The following MTMR12 variants were observed in gnomAD, a reference collection of about 807,000 sequenced individuals.
MTMR12 encodes myotubularin related protein 12.
Under a neutral mutation model 96.7 loss-of-function variants are expected in MTMR12, and 33 were observed. The ratio of observed to expected loss-of-function variants is 0.34; its 90% CI spans 0.26 to 0.46. MTMR12 has a LOEUF of 0.46. Among genes scored for constraint, MTMR12 ranks in the 20% least tolerant of loss-of-function variants. MTMR12 has a pLI of 1.00. For synonymous variants in MTMR12, 298 were observed against 327.2 expected, an observed-to-expected ratio of 0.91 and a Z score of 0.96; for missense variants, 721 against 896.1, an observed-to-expected ratio of 0.80 and a Z score of 2.49.
chr5:32,235,921 G>A (rs897134483), intron 13 of MTMR12, among the ~76,000 whole-genome samples: 3 of 152,148 alleles, frequency 2.0e-5, no homozygotes, highest in African/African-American at 7.2e-5. Context: ...AGGAGGAAAG[G>A]GAAGATTGGA....
At chr5:32,254,006 G>C (rs1749047328) in intron 8 of MTMR12, among the ~76,000 whole-genome samples, 1 of 152,228 alleles carries the variant, frequency 6.6e-6, no homozygotes, top group African/African-American at 2.4e-5. Context: ...CAGGCCCAAG[G>C]CCTGGCTAGA....
chr5:32,256,925 A>G (rs1000530141), intron 7 of MTMR12, among the ~76,000 whole-genome samples: 8 of 152,230 alleles, frequency 5.3e-5, no homozygotes, highest in Non-Finnish European at 1.0e-4. Flanking sequence ...AAACCTACCA[A>G]TCTCATTTAA....
At chr5:32,243,974 T>G (rs1322576934) in intron 10 of MTMR12, among the ~76,000 whole-genome samples, 2 of 152,212 alleles carry the variant, frequency 1.3e-5, no homozygotes, top group African/African-American at 4.8e-5. Flanking sequence ...TCCATCCTGA[T>G]GCCACGGAAG....
chr5:32,261,863 G>C (rs1314693114), intron 7 of MTMR12, among the ~76,000 whole-genome samples: 2 of 152,304 alleles, frequency 1.3e-5, no homozygotes, highest in African/African-American at 4.8e-5. Context: ...ACAAGGTCAG[G>C]AGATCAAGAC....
chr5:32,312,688 G>C lies in MTMR12; in HGVS notation c.81+70C>G, dbSNP rs550464908. The C allele has an allele frequency of 7.8e-7, 1 of 1,283,942 alleles. No individual in the cohort carries two copies. Among genetic ancestry groups the C allele is most frequent in the Non-Finnish European group, 1.0e-6 (1 of 1,000,270 alleles). The allele number at this position is 1,283,942 out of a possible 1,614,324, so 79.5% of individuals were successfully genotyped here. Reference sequence around the variant, plus strand: ...GCTCCGCGGCGCTCCCCGCTGCAAGGAAGGGGCTCCCGGCGCCCCTCGCCC... The same window carrying C: ...GCTCCGCGGCGCTCCCCGCTGCAAGCAAGGGGCTCCCGGCGCCCCTCGCCC... On this transcript the variant is annotated intron_variant, in intron 1 of 15. Coordinates refer to ENST00000382142, the MANE Select transcript of MTMR12 (RefSeq NM_001040446.3). The surrounding 1 kb of genome is among the most constrained non-coding windows in gnomAD (Gnocchi z 5.0).
At chr5:32,270,635 TACAC>T (rs1173697174) in intron 5 of MTMR12, among the ~76,000 whole-genome samples, 178 bp downstream of exon 5, 4 of 152,212 alleles carry the variant, frequency 2.6e-5, no homozygotes, top group Non-Finnish European at 5.9e-5. Flanking sequence ...GCCAAGATGA[TACAC>T]ACGCATGCTT....
At chr5:32,270,793 C>T in intron 5 of MTMR12, 24 bp downstream of exon 5, 1 of 1,584,170 alleles carries the variant, frequency 6.3e-7, no homozygotes, top group Non-Finnish European at 8.6e-7. Context: ...GAAATAAAAC[C>T]TAAAAACACA....
chr5:32,258,902 CAAAAAAAAAA>C (rs5867141), intron 7 of MTMR12, among the ~76,000 whole-genome samples: 1 of 90,592 alleles, frequency 1.1e-5, no homozygotes, highest in African/African-American at 3.8e-5. Context: ...TGGTCTTTCA[CAAAAAAAAAA>C]AAAAAAAAAA....
At chr5:32,252,163 C>T (rs748486711) in intron 8 of MTMR12, among the ~76,000 whole-genome samples, 13 of 152,058 alleles carry the variant, frequency 8.5e-5, no homozygotes, top group South Asian at 4.2e-4. Context: ...TTTAGAATAG[C>T]GGCAAGGACA....
At chr5:32,296,963 C>T (rs1274891235) in intron 1 of MTMR12, among the ~76,000 whole-genome samples, 6 of 151,440 alleles carry the variant, frequency 4.0e-5, no homozygotes, top group East Asian at 2.0e-4. Flanking sequence ...ATTAGCTGGG[C>T]GTGATGGCGG....
chr5:32,242,222 G>T, intron 11 of MTMR12, 95 bp from the exon 12 acceptor site: 6 of 734,234 alleles, frequency 8.2e-6, no homozygotes, highest in East Asian at 3.0e-5. Context: ...TTGATCTTCA[G>T]TCTTCTCTCT....
intron 15 of MTMR12, among the ~76,000 whole-genome samples, chr5:32,232,397 ACCTGCCAACT>A (rs1748032663): frequency 6.6e-6 from 1 of 152,028 alleles, no homozygotes; most frequent in Non-Finnish European, 1.5e-5. Context: ...GTCCTTTCCC[ACCTGCCAACT>A]CCTGGAGCTT....
chr5:32,288,616 T>C (rs563109199), intron 1 of MTMR12, among the ~76,000 whole-genome samples: 4 of 152,288 alleles, frequency 2.6e-5, no homozygotes, highest in Admixed American at 2.6e-4. Flanking sequence ...ATTAAGGGTA[T>C]AGGATAATGG....
chr5:32,272,901 T>C (rs1240497499), intron 3 of MTMR12, among the ~76,000 whole-genome samples: 1 of 152,182 alleles, frequency 6.6e-6, no homozygotes, highest in African/African-American at 2.4e-5. Flanking sequence ...CAAGGCCAGA[T>C]GGAAGAGGCA....
intron 14 of MTMR12, among the ~76,000 whole-genome samples, chr5:32,234,370 G>C (rs981619990): frequency 1.1e-4 from 17 of 152,152 alleles, no homozygotes; most frequent in Admixed American, 6.5e-5. Context: ...CCCTCAGGAG[G>C]CTGCTCAGAA....
intron 1 of MTMR12, among the ~76,000 whole-genome samples, chr5:32,304,571 A>G (rs532103491): frequency 2.5e-4 from 38 of 152,316 alleles, no homozygotes; most frequent in African/African-American, 8.7e-4. Flanking sequence ...ACACCATCAC[A>G]TAGGGTGGTT....
At chr5:32,260,340 A>G (rs1749315504) in intron 7 of MTMR12, among the ~76,000 whole-genome samples, 1 of 151,636 alleles carries the variant, frequency 6.6e-6, no homozygotes, top group Non-Finnish European at 1.5e-5. Context: ...GACATGGAGA[A>G]TGGATGCTGG....
rs930885081 is a variant in MTMR12 at position 32,278,072 on chromosome 5, G to A, written c.82-1330C>T. Among the ~76,000 whole-genome samples, 3 of 152,288 alleles carry A rather than the reference G, an allele frequency of 2.0e-5. No homozygotes were observed. In the South Asian group the frequency reaches 6.2e-4, roughly 32 times the overall value. ...TCTACTTGGGGCTCAGTATTTATGG[G>A]ATATTCAAAGATAATTAATTACAAA... On this transcript the variant is annotated intron_variant, in intron 1 of 15. Transcript: ENST00000382142.
intron 10 of MTMR12, 31 bp downstream of exon 10, chr5:32,247,971 C>T (rs11960898): frequency 0.34 from 547,191 of 1,602,728 alleles, 95,649 homozygotes; most frequent in Middle Eastern, 0.51. Flanking sequence ...CCCCATATAA[C>T]ACAAAAGTTT....
Sources: allele counts gnomAD v4.1 joint callset (sites outside exome capture counted in the v4.1 genomes callset), GRCh38; gene constraint gnomAD v4.1.1; non-coding constraint Gnocchi (gnomAD v3.1); transcripts MANE v1.5; gene names NCBI Gene and HGNC (gene_info 2026-07-23, HGNC 2026-07-21).